USP9Y: variants seen among roughly 807,000 people sequenced by gnomAD.
USP9Y encodes the protein ubiquitin specific peptidase 9 Y-linked.
A neutral mutation model predicts 53.1 loss-of-function variants in USP9Y; 41 were observed. That is an observed-to-expected ratio of 0.77 (90% CI 0.60 to 1.00). The LOEUF is 1.00. Among genes scored for constraint, USP9Y ranks in the 50% least tolerant of loss-of-function variants. The probability of loss-of-function intolerance (pLI) is 0.00; values close to 1 mark genes in which losing one functional copy is unlikely to be tolerated. For synonymous variants in USP9Y, 220 were observed against 173.7 expected, an observed-to-expected ratio of 1.27 and a Z score of -2.09; for missense variants, 567 against 535.8, an observed-to-expected ratio of 1.06 and a Z score of -0.58.
rs2053488566 is a variant in USP9Y, at chrY:12,773,687, G to A, written c.2093G>A (p.Cys698Tyr). ...GTTTATCTTTGTGATCGTGAAGCCT[G>A]TTTTAAGTGGTATTCCAAGTTAATG... is the stretch of plus-strand genomic sequence containing the variant. ...NAVYLCDREA[C>Y]FKWYSKLMGD... Residue 698 changes from cysteine (C) to tyrosine (Y), a missense_variant, in exon 17 of 46, where the codon TGT becomes TAT. Coordinates refer to ENST00000338981, the MANE Select transcript of USP9Y (RefSeq NM_004654.4). 2.5e-6 allele frequency: 1 copy of A among 396,598 alleles called. No homozygotes were observed. Among genetic ancestry groups the A allele is most frequent in the Admixed American group, 7.6e-5 (1 of 13,163 alleles).
chrY:12,829,984 A>G, intron 33 of USP9Y, among the ~76,000 whole-genome samples: 1 of 33,080 alleles, frequency 3.0e-5, no homozygotes. Flanking sequence ...TTAATGTACA[A>G]CTAAGCAGGC....
chrY:12,736,337 T>A, intron 9 of USP9Y, 74 bp from the exon 10 acceptor site: 2 of 356,204 alleles, frequency 5.6e-6, no homozygotes, highest in Non-Finnish European at 8.0e-6. Context: ...GTAAATTTCC[T>A]CTTTTAGTGG....
chrY:12,844,547 A>G (rs2053565055), intron 39 of USP9Y, among the ~76,000 whole-genome samples: 1 of 33,344 alleles, frequency 3.0e-5, no homozygotes, highest in South Asian at 6.6e-4. Flanking sequence ...TATTACACAA[A>G]CATAAATGAA....
intron 17 of USP9Y, among the ~76,000 whole-genome samples, chrY:12,774,550 TTC>T (rs2053490617): frequency 3.0e-5 from 1 of 32,906 alleles, no homozygotes; most frequent in African/African-American, 1.2e-4. Flanking sequence ...GTGAAAGTTA[TTC>T]TCTCTTTTTT....
chrY:12,826,570 C>T, intron 33 of USP9Y, among the ~76,000 whole-genome samples: 1 of 23,208 alleles, frequency 4.3e-5, no homozygotes, highest in Non-Finnish European at 9.7e-5. Context: ...GACAATAGGG[C>T]AAGATCCTAT....
At chrY:12,821,125 C>G in intron 33 of USP9Y, among the ~76,000 whole-genome samples, 1 of 33,155 alleles carries the variant, frequency 3.0e-5, no homozygotes, top group African/African-American at 1.2e-4. Context: ...CCATTTGGTT[C>G]CAGGACATTT....
intron 34 of USP9Y, among the ~76,000 whole-genome samples, chrY:12,836,890 G>A: frequency 3.1e-5 from 1 of 32,353 alleles, no homozygotes; most frequent in Non-Finnish European, 7.5e-5. Context: ...ATTTTTAGTA[G>A]AGATGGGATT....
At chrY:12,767,008 G>C in intron 15 of USP9Y, among the ~76,000 whole-genome samples, 1 of 33,013 alleles carries the variant, frequency 3.0e-5, no homozygotes, top group Non-Finnish European at 7.4e-5. Flanking sequence ...TTTTTTGCCT[G>C]GGCACACGGC....
At chrY:12,802,340 A>T in intron 27 of USP9Y, 1 of 35,146 alleles carries the variant, frequency 2.8e-5, no homozygotes, top group Admixed American at 2.6e-4. Flanking sequence ...CTGATGAAAT[A>T]ATAGGCTTCT....
intron 16 of USP9Y, among the ~76,000 whole-genome samples, chrY:12,771,597 T>TATACTAAG (rs2053486059): frequency 5.9e-5 from 2 of 33,687 alleles, no homozygotes; most frequent in Non-Finnish European, 1.5e-4. Flanking sequence ...TTTGAATAAG[T>TATACTAAG]ATACTAAGAA....
At chrY:12,790,152 CTG>C (rs2053506043) in intron 24 of USP9Y, among the ~76,000 whole-genome samples, 1 of 32,844 alleles carries the variant, frequency 3.0e-5, no homozygotes, top group Non-Finnish European at 7.4e-5. Context: ...CATAGAGCTT[CTG>C]TGGATATATG....
chrY:12,813,910 G>A (rs2053533554), intron 31 of USP9Y, among the ~76,000 whole-genome samples: 1 of 33,484 alleles, frequency 3.0e-5, no homozygotes, highest in African/African-American at 1.2e-4. Flanking sequence ...TCCGCCTCCC[G>A]GGTTCAAGCA....
chrY:12,786,311 C>G lies in USP9Y; in HGVS notation c.3260C>G (p.Ser1087Cys). ...TCTCTTTTCTTTGGTCCTTCTGCCTCCCAAGTTCTATACCTAACAGAGGTT... is the reference window on the plus strand; with the variant it reads ...TCTCTTTTCTTTGGTCCTTCTGCCTGCCAAGTTCTATACCTAACAGAGGTT... Reference protein sequence around the residue: ...LDSLFFGPSASQVLYLTEVVY... With the variant: ...LDSLFFGPSACQVLYLTEVVY... The change falls in exon 23 of 46, where the codon TCC (serine) becomes TGC (cysteine). Residue 1087 changes from serine to cysteine, a missense_variant. Transcript: ENST00000338981. 1 of 398,264 alleles carries G rather than the reference C, an allele frequency of 2.5e-6. No homozygotes were observed.
At position 12,838,055 on chromosome Y, in the gene USP9Y, A is replaced by AT. The variant is rs751839984; in HGVS notation, c.5337+12dup. 9.7e-5 allele frequency: 35 copies of AT among 359,869 alleles called. No homozygotes were observed. The highest frequency in any genetic ancestry group is 1.3e-4 in the South Asian group (4 of 31,250). 89.8% of individuals were successfully genotyped at this position (359,869 alleles called of 400,897 possible). On this transcript the variant is annotated splice_donor_region_variant and intron_variant, in intron 35 of 45. Coordinates refer to ENST00000338981, the MANE Select transcript of USP9Y (RefSeq NM_004654.4). ...ATTGTGAAAAATGTGATAAAAAGGT[A>AT]TTTTTTTTTACTTTTGAAAAATAAT...
At chrY:12,759,455 C>T in intron 14 of USP9Y, among the ~76,000 whole-genome samples, 4 of 32,736 alleles carry the variant, frequency 1.2e-4, no homozygotes, top group Admixed American at 5.6e-4. Context: ...TAGCACTTTG[C>T]GAGGCTGAGG....
intron 37 of USP9Y, 28 bp from the exon 38 acceptor site, chrY:12,842,212 T>C: frequency 2.6e-6 from 1 of 381,054 alleles, no homozygotes; most frequent in Admixed American, 7.5e-5. Flanking sequence ...TCACTAAAAT[T>C]TGACGTTCAT....
chrY:12,781,394 T>G (rs2053498407), intron 22 of USP9Y, among the ~76,000 whole-genome samples: 1 of 33,755 alleles, frequency 3.0e-5, no homozygotes, highest in African/African-American at 1.2e-4. Flanking sequence ...CATCAACTGC[T>G]GCTAACTGAT....
At chrY:12,834,884 A>T in intron 34 of USP9Y, among the ~76,000 whole-genome samples, 3 of 33,853 alleles carry the variant, frequency 8.9e-5, no homozygotes, top group African/African-American at 2.3e-4. Context: ...CTCAATTCTT[A>T]CTATTCTTGA....
intron 29 of USP9Y, among the ~76,000 whole-genome samples, chrY:12,811,284 G>A (rs2053530455): frequency 3.0e-5 from 1 of 33,327 alleles, no homozygotes; most frequent in Non-Finnish European, 7.4e-5. Context: ...GCTTACTTAC[G>A]GAGCACGGTT....
Sources: gnomAD v4.1 joint callset for allele counts (sites outside exome capture counted in the v4.1 genomes callset) on GRCh38, gnomAD v4.1.1 for gene constraint, MANE v1.5 for transcripts, NCBI Gene and HGNC (gene_info 2026-07-23, HGNC 2026-07-21) for gene names.